The following CD1B variants were observed in gnomAD, a reference collection of about 807,000 sequenced individuals.
CD1B encodes CD1b molecule.
Under a neutral mutation model 39.8 loss-of-function variants are expected in CD1B, and 43 were observed. The observed-to-expected ratio is 1.08, with a 90% CI of 0.85 to 1.39. The LOEUF is 1.39. CD1B is among the 40% of genes most tolerant of loss of function. The probability of loss-of-function intolerance (pLI) is 0.00; values close to 1 mark genes in which losing one functional copy is unlikely to be tolerated. For missense variants in CD1B, 495 were observed against 403.8 expected, an observed-to-expected ratio of 1.23 and a Z score of -1.94; for synonymous variants, 192 against 152.5, an observed-to-expected ratio of 1.26 and a Z score of -1.91.
At chr1:158,291,239 A>G in the CD1B span, 1 of 1,614,134 alleles carries the variant, frequency 6.2e-7, no homozygotes, top group Non-Finnish European at 8.5e-7. Flanking sequence ...TTGCAGACTC[A>G]TGGCTGGGAC....
the CD1B span, among the ~76,000 whole-genome samples, chr1:158,316,315 T>C: frequency 6.6e-6 from 1 of 152,158 alleles, no homozygotes; most frequent in Non-Finnish European, 1.5e-5. Context: ...CATTTGTTTT[T>C]ATCCTCTTTT....
At chr1:158,304,833 G>A in the CD1B span, among the ~76,000 whole-genome samples, 2 of 152,296 alleles carry the variant, frequency 1.3e-5, no homozygotes, top group Non-Finnish European at 2.9e-5. Flanking sequence ...ACAGGGTCTG[G>A]AGTAGACCTC....
chr1:158,310,350 T>G, the CD1B span, among the ~76,000 whole-genome samples: 4 of 152,246 alleles, frequency 2.6e-5, no homozygotes, highest in Admixed American at 6.5e-5. Context: ...ATGTAAAACC[T>G]AAAACTACAG....
At chr1:158,304,525 A>T in the CD1B span, among the ~76,000 whole-genome samples, 1 of 152,208 alleles carries the variant, frequency 6.6e-6, no homozygotes, top group African/African-American at 2.4e-5. Context: ...GGGCACAGCC[A>T]AACCAAAGGC....
chr1:158,329,318 G>A, intron 4 of CD1B, 52 bp downstream of exon 4: 1 of 1,574,700 alleles, frequency 6.4e-7, no homozygotes, highest in Non-Finnish European at 8.6e-7. Context: ...CTCCCTCTAT[G>A]CCTGAAGATC....
chr1:158,298,400 T>A, the CD1B span, among the ~76,000 whole-genome samples: 2 of 152,308 alleles, frequency 1.3e-5, no homozygotes, highest in East Asian at 3.9e-4. Flanking sequence ...ATGGACCTAA[T>A]AAACATTGAC....
the CD1B span, among the ~76,000 whole-genome samples, chr1:158,286,390 A>G: frequency 1.3e-5 from 2 of 152,194 alleles, no homozygotes; most frequent in South Asian, 4.1e-4. Flanking sequence ...CCCTTCTTAC[A>G]CTACCTCCAC....
the CD1B span, among the ~76,000 whole-genome samples, chr1:158,316,011 A>T: frequency 2.6e-5 from 4 of 151,782 alleles, no homozygotes; most frequent in Non-Finnish European, 5.9e-5. Flanking sequence ...TGTTCCATTG[A>T]TCTATATCTC....
Position 158,329,393 on chromosome 1 carries a change from C to A in CD1B, c.863G>T (p.Gly288Val), listed in dbSNP as rs190425067. 11 of 1,613,952 alleles carry A rather than the reference C, an allele frequency of 6.8e-6. No individual in the cohort carries two copies. Among genetic ancestry groups the A allele is most frequent in the Admixed American group, 3.3e-5 (2 of 60,010 alleles). The change falls in exon 4 of 6, where the codon GGC (glycine) becomes GTC (valine). Residue 288 changes from glycine to valine, a missense_variant. By Grantham distance (109) the Gly-to-Val change is moderately radical. Coordinates refer to ENST00000368168, the MANE Select transcript of CD1B (RefSeq NM_001764.3). The part of the protein sequence containing the change: ...SCRVKHSSLE[G>V]QDIILYWRNP... ...ACTCCAGTAGAGGATGATGTCCTGGCCCTCTAAACTGCTGTGCTTCACCCG... is the reference window on the plus strand; with the variant it reads ...ACTCCAGTAGAGGATGATGTCCTGGACCTCTAAACTGCTGTGCTTCACCCG...
the CD1B span, among the ~76,000 whole-genome samples, chr1:158,317,093 C>A: frequency 1.3e-5 from 2 of 151,974 alleles, no homozygotes; most frequent in Non-Finnish European, 2.9e-5. Flanking sequence ...CATCAATGTT[C>A]ATCAAGGATA....
chr1:158,289,951 A>G, the CD1B span: 10 of 893,950 alleles, frequency 1.1e-5, no homozygotes, highest in East Asian at 2.5e-5. Flanking sequence ...TCAGCGGCTG[A>G]TGGGGAAGAT....
At chr1:158,301,490 C>CA in the CD1B span, among the ~76,000 whole-genome samples, 2 of 152,184 alleles carry the variant, frequency 1.3e-5, no homozygotes, top group East Asian at 3.9e-4. Flanking sequence ...CTGGTGGTGA[C>CA]AAAATCTCTT....
At chr1:158,313,901 T>C in the CD1B span, among the ~76,000 whole-genome samples, 3 of 152,298 alleles carry the variant, frequency 2.0e-5, no homozygotes, top group Admixed American at 1.3e-4. Flanking sequence ...TGTGGTTGTA[T>C]GAGTCCAGGC....
the CD1B span, chr1:158,291,214 G>A: frequency 6.2e-7 from 1 of 1,614,010 alleles, no homozygotes; most frequent in Non-Finnish European, 8.5e-7. Context: ...TCAGGGCTCA[G>A]GATGGCTGGA....
the CD1B span, among the ~76,000 whole-genome samples, chr1:158,294,265 A>G: frequency 6.6e-6 from 1 of 152,200 alleles, no homozygotes; most frequent in Non-Finnish European, 1.5e-5. Flanking sequence ...ATGGAAGACA[A>G]ATTTCCTAAA....
At chr1:158,297,229 C>G in the CD1B span, among the ~76,000 whole-genome samples, 1 of 152,138 alleles carries the variant, frequency 6.6e-6, no homozygotes, top group Middle Eastern at 3.4e-3. Flanking sequence ...TACAAAGGGA[C>G]CCCAATCAAG....
At chr1:158,322,422 T>C in the CD1B span, among the ~76,000 whole-genome samples, 1 of 147,880 alleles carries the variant, frequency 6.8e-6, no homozygotes, top group East Asian at 1.9e-4. Context: ...TTTCTGTTTT[T>C]TTTTTTTTGT....
the CD1B span, among the ~76,000 whole-genome samples, chr1:158,288,668 C>T: frequency 6.6e-6 from 1 of 152,226 alleles, no homozygotes; most frequent in South Asian, 2.1e-4. Flanking sequence ...GCTGGGATTA[C>T]AGGCATGAGT....
At chr1:158,292,557 TA>T in the CD1B span, 6 of 1,598,542 alleles carry the variant, frequency 3.8e-6, no homozygotes, top group Non-Finnish European at 5.1e-6. Flanking sequence ...AAGTTGTGTG[TA>T]AGTTTCTTCA....
Sources: allele counts gnomAD v4.1 joint callset (sites outside exome capture counted in the v4.1 genomes callset), GRCh38; gene constraint gnomAD v4.1.1; transcripts MANE v1.5; gene names NCBI Gene and HGNC (gene_info 2026-07-23, HGNC 2026-07-21).